GAA: variants seen among roughly 807,000 people sequenced by gnomAD.
GAA encodes the protein lysosomal alpha-glucosidase.
In GAA, 88 loss-of-function variants were observed where a neutral mutation model predicts 103.9. That is an observed-to-expected ratio of 0.85 (90% confidence interval 0.71 to 1.01). GAA has a LOEUF of 1.01. Ranked by LOEUF, GAA falls within the 50% of genes least tolerant of loss-of-function variation. The probability of loss-of-function intolerance (pLI) is 0.00; values close to 1 mark genes in which losing one functional copy is unlikely to be tolerated. For synonymous variants in GAA, 572 were observed against 563.1 expected (o/e 1.02, Z -0.22); for missense variants, 1,350 against 1,305.3 (o/e 1.03, Z -0.53).
chr17:80,116,757 T>C (rs2039360211), intron 15 of GAA: 2 of 614,382 alleles, frequency 3.3e-6, no homozygotes, highest in Non-Finnish European at 5.9e-6. Flanking sequence ...GCTGCCGGCA[T>C]GTCCGGGGAG....
chr17:80,109,263 A>G (rs1206021094), intron 8 of GAA, among the ~76,000 whole-genome samples: 2 of 152,174 alleles, frequency 1.3e-5, no homozygotes, highest in Non-Finnish European at 2.9e-5. Context: ...GGCAGCTTCC[A>G]GCCCTCATGC....
chr17:80,105,683 G>A, intron 2 of GAA, 66 bp from the exon 3 acceptor site: 2 of 1,586,128 alleles, frequency 1.3e-6, no homozygotes, highest in East Asian at 2.2e-5. Flanking sequence ...TGTCCTTGGC[G>A]TGCGGGTTGT....
intron 3 of GAA, 143 bp downstream of exon 3, chr17:80,106,037 C>T (rs894987434): frequency 4.5e-6 from 5 of 1,113,278 alleles, no homozygotes; most frequent in East Asian, 5.1e-5. Context: ...GGGCGACGGG[C>T]ATTTCTCACA....
chr17:80,109,417 C>T (rs950603819), intron 8 of GAA, among the ~76,000 whole-genome samples: 3 of 152,188 alleles, frequency 2.0e-5, no homozygotes, highest in Admixed American at 6.5e-5. Flanking sequence ...TGGTCCAGCC[C>T]GAGTCTGGTG....
chr17:80,107,220 C>T lies in GAA; in HGVS notation c.693-337C>T, dbSNP rs1198835273. ...CTGGAAAGGTTCTGTTCAGCCCCTGCCCAGCCTTGCTTGGGGTCATGGGAC... is the reference window on the plus strand; with the variant it reads ...CTGGAAAGGTTCTGTTCAGCCCCTGTCCAGCCTTGCTTGGGGTCATGGGAC... On this transcript the variant is annotated intron_variant, in intron 3 of 19. Transcript: ENST00000302262. Among the ~76,000 whole-genome samples the T allele has an allele frequency of 2.0e-5, 3 of 152,332 alleles. No individual in the cohort carries two copies. The East Asian group carries it at 5.8e-4, about 29-fold the overall frequency.
In GAA at chr17:80,112,865, T is replaced by C. The variant is rs762071364; in HGVS notation, c.1889-11T>C. 4.4e-6 allele frequency: 7 copies of C among 1,604,822 alleles called. No homozygotes were observed. Among genetic ancestry groups the C allele is most frequent in the Non-Finnish European group, 5.1e-6 (6 of 1,175,742 alleles). On this transcript the variant is annotated splice_polypyrimidine_tract_variant and intron_variant, in intron 13 of 19. Coordinates refer to ENST00000302262, the MANE Select transcript of GAA (RefSeq NM_000152.5). ...AGCAGCCTGAGGACCAGCCTGACTC[T>C]GCCCTCCCAGAAATCCTGCAGTTTA...
At chr17:80,110,198 G>C in intron 9 of GAA, 143 bp downstream of exon 9, 2 of 658,802 alleles carry the variant, frequency 3.0e-6, no homozygotes, top group Non-Finnish European at 5.4e-6. Flanking sequence ...ACAGTGGCCC[G>C]TGACGATGGT....
rs2229224 is a variant in GAA, at chr17:80,108,767, G to A, written c.1265G>A (p.Arg422Gln). Residue 422 changes from arginine to glutamine, a missense_variant, in exon 8 of 20, where the codon CGG becomes CAG. By Grantham distance (43) the Arg-to-Gln change is conservative (BLOSUM62 1). Transcript: ENST00000302262. ...TTCACGTTCAACAAGGATGGCTTCC[G>A]GGACTTCCCGGCCATGGTGCAGGAG... ...RDFTFNKDGF[R>Q]DFPAMVQELH... 5.8e-5 allele frequency: 93 copies of A among 1,609,978 alleles called. No individual in the cohort carries two copies. The East Asian group carries it at 1.2e-3, about 21-fold the overall frequency.
In GAA at chr17:80,119,698, A is replaced by G; in HGVS notation, c.*367A>G. 2.9e-6 allele frequency: 1 copy of G among 339,206 alleles called. No homozygotes were observed. The highest frequency in any genetic ancestry group is 5.8e-6 in the Non-Finnish European group (1 of 173,292). The allele number at this position is 339,206 out of a possible 1,614,324, so 21.0% of individuals were successfully genotyped here. A position where few individuals can be genotyped will look rare whatever the true frequency, so the allele number is the denominator to read the frequency against. ...GGGTGCTCAGGTGGAGGTGTGGGGT[A>G]TGCACCTGAGCTCCTGCTTCGCGCC... On this transcript the variant is annotated 3_prime_UTR_variant, in exon 20 of 20. Transcript: ENST00000302262.
At chr17:80,102,103 T>A (rs1282958977) in intron 1 of GAA, 3 of 152,790 alleles carry the variant, frequency 2.0e-5, no homozygotes, top group African/African-American at 4.8e-5. Flanking sequence ...TCTTCCCGTT[T>A]CTAGGGTTTC....
rs747065613 is a variant in GAA at position 80,110,709 on chromosome 17, C to T, written c.1438-18C>T. ...TGGGTGGGGCCGGGTCTCCCCACTG[C>T]AGCCTCTCGTTGTCCAGGTATGGCC... On this transcript the variant is annotated intron_variant, in intron 9 of 19. Coordinates refer to ENST00000302262, the MANE Select transcript of GAA (RefSeq NM_000152.5). 6.2e-7 allele frequency: 1 copy of T among 1,610,822 alleles called. No homozygotes were observed. Among genetic ancestry groups the T allele is most frequent in the Admixed American group, 1.7e-5 (1 of 60,016 alleles).
chr17:80,112,917 G>T lies in GAA; in HGVS notation c.1930G>T (p.Ala644Ser), dbSNP rs752735168. Reference protein sequence around the residue: ...FNLLGVPLVGADVCGFLGNTS... With the variant: ...FNLLGVPLVGSDVCGFLGNTS... ...CCTGCTGGGGGTGCCTCTGGTCGGGGCCGACGTCTGCGGCTTCCTGGGCAA... is the reference window on the plus strand; with the variant it reads ...CCTGCTGGGGGTGCCTCTGGTCGGGTCCGACGTCTGCGGCTTCCTGGGCAA... Residue 644 changes from alanine to serine, a missense_variant, in exon 14 of 20, where the codon GCC (alanine) becomes TCC (serine). Physicochemically the swap from Ala to Ser is moderately conservative, Grantham distance 99. Coordinates refer to ENST00000302262, the MANE Select transcript of GAA (RefSeq NM_000152.5). 27 of 1,610,512 alleles carry T rather than the reference G, an allele frequency of 1.7e-5. No homozygotes were observed. In the South Asian group the frequency reaches 2.8e-4, roughly 17 times the overall value.
At chr17:80,110,495 G>C (rs1038016134) in intron 9 of GAA, among the ~76,000 whole-genome samples, 1 of 152,194 alleles carries the variant, frequency 6.6e-6, no homozygotes, top group African/African-American at 2.4e-5. Context: ...CTGGGTGGAC[G>C]TGTTGGGGGT....
chr17:80,115,227 C>T (rs754249947), intron 15 of GAA, among the ~76,000 whole-genome samples: 135 of 152,226 alleles, frequency 8.9e-4, no homozygotes, highest in Non-Finnish European at 1.5e-3. Flanking sequence ...TTGACGGTGC[C>T]CAGGGGTCTT....
chr17:80,113,780 A>G (rs191482068), intron 15 of GAA, among the ~76,000 whole-genome samples: 1 of 152,158 alleles, frequency 6.6e-6, no homozygotes, highest in East Asian at 1.9e-4. Context: ...GAACTTTGGG[A>G]GGCTGAGGCG....
chr17:80,118,947 G>C (rs2039422622), intron 19 of GAA, 142 bp downstream of exon 19: 5 of 1,062,054 alleles, frequency 4.7e-6, no homozygotes, highest in Non-Finnish European at 4.2e-6. Flanking sequence ...GGAGTGGGAA[G>C]GGTCAGGCCA....
intron 15 of GAA, among the ~76,000 whole-genome samples, 194 bp downstream of exon 15, chr17:80,113,560 T>A (rs2039297102): frequency 6.6e-6 from 1 of 152,202 alleles, no homozygotes; most frequent in African/African-American, 2.4e-5. Flanking sequence ...AGACAGGCCG[T>A]AGTACACACG....
In GAA at chr17:80,116,972, C is replaced by T. The variant is rs760277240; in HGVS notation, c.2194C>T (p.Pro732Ser). 1.2e-6 allele frequency: 2 copies of T among 1,613,754 alleles called. No homozygotes were observed. The highest frequency in any genetic ancestry group is 1.1e-5 in the South Asian group (1 of 91,084). ...GTGTGCCCATCCCCCTTGCAGGTTC[C>T]CCAAGGACTCTAGCACCTGGACTGT... ...TVARPLFLEF[P>S]KDSSTWTVDH... is the part of the protein sequence containing the mutation. The change falls in exon 16 of 20, where the codon CCC becomes TCC. Residue 732 changes from proline to serine, a missense_variant. By Grantham distance (74) the Pro-to-Ser change is moderately conservative. Transcript: ENST00000302262.
At chr17:80,119,224 C>G in intron 19 of GAA, 48 bp from the exon 20 acceptor site, 1 of 1,584,912 alleles carries the variant, frequency 6.3e-7, no homozygotes, top group Non-Finnish European at 8.7e-7. Context: ...TGGGGTCTCA[C>G]TGCTGCTGGG....
Sources: allele counts gnomAD v4.1 joint callset (sites outside exome capture counted in the v4.1 genomes callset), GRCh38; gene constraint gnomAD v4.1.1; transcripts MANE v1.5; gene names NCBI Gene and HGNC (gene_info 2026-07-23, HGNC 2026-07-21).